The following NEBL variants were observed in gnomAD, a reference collection of about 807,000 sequenced individuals.
NEBL encodes the protein LIM and SH3 protein 2.
A neutral mutation model predicts 140.2 loss-of-function variants in NEBL; 122 were observed. The observed-to-expected ratio is 0.87, with a 90% CI of 0.75 to 1.01. The LOEUF (loss-of-function observed/expected upper bound fraction) is 1.01. Ranked by LOEUF, NEBL falls within the 50% of genes least tolerant of loss-of-function variation. The pLI is 0.00. For missense variants in NEBL, 1,365 were observed against 1,231.3 expected, an observed-to-expected ratio of 1.11 and a Z score of -1.62; for synonymous variants, 436 against 398.9, an observed-to-expected ratio of 1.09 and a Z score of -1.11.
At chr10:21,193,061 G>A (rs1319195544) in intron 3 of NEBL, among the ~76,000 whole-genome samples, 1 of 152,156 alleles carries the variant, frequency 6.6e-6, no homozygotes, top group African/African-American at 2.4e-5. Context: ...GGAGGGAACA[G>A]AGCACTGCAG....
At chr10:21,108,350 T>G (rs1280616310) in intron 2 of NEBL, among the ~76,000 whole-genome samples, 1 of 152,260 alleles carries the variant, frequency 6.6e-6, no homozygotes, top group African/African-American at 2.4e-5. Context: ...CCAGAGATTC[T>G]GGTACGTTGT....
chr10:20,960,310 A>G (rs1327845544), intron 4 of NEBL, among the ~76,000 whole-genome samples: 1 of 152,158 alleles, frequency 6.6e-6, no homozygotes, highest in East Asian at 1.9e-4. Context: ...GCATTCTTAA[A>G]AGCAAAAATA....
upstream of NEBL, among the ~76,000 whole-genome samples, chr10:21,177,971 G>T (rs1209407871): frequency 6.6e-6 from 1 of 152,160 alleles, no homozygotes; most frequent in Non-Finnish European, 1.5e-5. Context: ...GTATAAAATT[G>T]TGTATGTTGT....
At chr10:20,924,689 A>G (rs1589021038) in intron 4 of NEBL, among the ~76,000 whole-genome samples, 1 of 152,098 alleles carries the variant, frequency 6.6e-6, no homozygotes, top group East Asian at 1.9e-4. Flanking sequence ...GAAGGTGAGG[A>G]AAGTGATAGA....
At position 21,288,942 on chromosome 10, in the gene NEBL, G is replaced by A. The variant is rs186462589; in HGVS notation, n.182+3888C>T. The stretch of plus-strand genomic sequence containing the variant: ...CAGCTCACTACAACCTCTGCCTCCC[G>A]GGTTCAAGCAATTCTCTGCCTCAGC... On this transcript the variant is annotated intron_variant and non_coding_transcript_variant, in intron 1 of 8. Transcript: ENST00000675702. Among the ~76,000 whole-genome samples, 989 of 143,812 alleles carry A rather than the reference G, an allele frequency of 6.9e-3. 11 individuals are homozygous for A. The highest frequency in any genetic ancestry group is 0.024 in the African/African-American group (920 of 39,130). The allele number at this position is 143,812 out of a possible 152,430, so 94.3% of individuals were successfully genotyped here. A position where few individuals can be genotyped will look rare whatever the true frequency, so the allele number is the denominator to read the frequency against.
intron 26 of NEBL, among the ~76,000 whole-genome samples, chr10:20,790,710 C>G (rs557687825): frequency 6.6e-6 from 1 of 151,976 alleles, no homozygotes; most frequent in African/African-American, 2.4e-5. Context: ...GAGGCATAAA[C>G]ACTGCTTTTC....
intron 2 of NEBL, among the ~76,000 whole-genome samples, chr10:21,024,893 T>C (rs1838960559): frequency 6.6e-6 from 1 of 152,154 alleles, no homozygotes; most frequent in Admixed American, 6.5e-5. Context: ...CATACGATTA[T>C]AGAAGAGAGA....
chr10:21,034,273 C>A (rs1833927665), intron 2 of NEBL, among the ~76,000 whole-genome samples: 1 of 151,126 alleles, frequency 6.6e-6, no homozygotes, highest in Non-Finnish European at 1.5e-5. Context: ...ATGTATGGCC[C>A]AAAATAATAA....
At chr10:21,214,789 C>G (rs1052282033) in intron 3 of NEBL, among the ~76,000 whole-genome samples, 3 of 152,154 alleles carry the variant, frequency 2.0e-5, no homozygotes, top group African/African-American at 7.2e-5. Flanking sequence ...TTAATTGAAG[C>G]TCCCAGAATT....
chr10:21,064,704 A>G (rs1174051683), intron 2 of NEBL, among the ~76,000 whole-genome samples: 12 of 152,216 alleles, frequency 7.9e-5, no homozygotes, highest in African/African-American at 2.9e-4. Flanking sequence ...CCATATCAAA[A>G]TGAAACAATT....
intron 9 of NEBL, among the ~76,000 whole-genome samples, chr10:20,856,330 G>GA (rs892014334): frequency 2.8e-4 from 43 of 152,220 alleles, no homozygotes; most frequent in African/African-American, 1.0e-3. Context: ...CAACGTTCTT[G>GA]AAAAGCAATA....
At chr10:21,106,560 C>T (rs377003645) in intron 2 of NEBL, among the ~76,000 whole-genome samples, 1 of 152,108 alleles carries the variant, frequency 6.6e-6, no homozygotes, top group Non-Finnish European at 1.5e-5. Context: ...TGTTTTGGTA[C>T]CAGTACCAGC....
chr10:20,792,540 G>A (rs1301733543), intron 26 of NEBL, among the ~76,000 whole-genome samples: 2 of 152,036 alleles, frequency 1.3e-5, no homozygotes, highest in Admixed American at 6.6e-5. Flanking sequence ...GGTGGCTCAC[G>A]CCTGTAATCC....
chr10:20,883,672 C>T (rs1427553963), intron 4 of NEBL, among the ~76,000 whole-genome samples: 1 of 152,102 alleles, frequency 6.6e-6, no homozygotes, highest in Non-Finnish European at 1.5e-5. Context: ...TTATTTTGTA[C>T]TTTAGACCTA....
In NEBL at chr10:20,817,692, C is replaced by T. The variant is rs1169904603; in HGVS notation, c.2056G>A (p.Val686Ile). 2 of 1,608,112 alleles carry T rather than the reference C, an allele frequency of 1.2e-6. No individual in the cohort carries two copies. Among genetic ancestry groups the T allele is most frequent in the African/African-American group, 2.7e-5 (2 of 74,748 alleles). Reference protein sequence around the residue: ...VRRNQEQLSAVKYKGELQRGT... With the variant: ...VRRNQEQLSAIKYKGELQRGT... The stretch of plus-strand genomic sequence containing the variant: ...CGTTGAAGTTCTCCCTTATATTTTA[C>T]CTAAGAAGGATAAATAAGAACTTTA... Residue 686 changes from valine (V) to isoleucine (I), a missense_variant and splice_region_variant, in exon 21 of 28, where the codon GTA becomes ATA. Physicochemically the swap from Val to Ile is conservative, Grantham distance 29 (BLOSUM62 3). Around this residue, in one of 2 missense-constraint regions of NEBL, gnomAD observed 1,323 missense variants for 1,154.8 expected, o/e 1.15. Transcript: ENST00000377122.
At chr10:20,817,732 G>A in intron 20 of NEBL, 40 bp from the exon 21 acceptor site, 5 of 1,448,814 alleles carry the variant, frequency 3.5e-6, no homozygotes, top group Non-Finnish European at 4.9e-6. Flanking sequence ...ATAGCACAAT[G>A]GGCTCCACTG....
At chr10:20,930,537 T>C (rs572355002) in intron 4 of NEBL, among the ~76,000 whole-genome samples, 2 of 152,312 alleles carry the variant, frequency 1.3e-5, no homozygotes, top group East Asian at 3.9e-4. Context: ...ACAGTGACAG[T>C]AAAATCCTAG....
At chr10:21,029,722 C>G (rs1833698422) in intron 2 of NEBL, 1 of 870,982 alleles carries the variant, frequency 1.1e-6, no homozygotes. Context: ...GTATGAGTAT[C>G]GGGATGGCCC....
chr10:20,823,462 G>A (rs1564356885), intron 18 of NEBL, among the ~76,000 whole-genome samples, 162 bp from the exon 19 acceptor site: 1 of 151,978 alleles, frequency 6.6e-6, no homozygotes, highest in Admixed American at 6.6e-5. Flanking sequence ...GATGCTTTCA[G>A]GATTCCTTAT....
Sources: gnomAD v4.1 joint callset for allele counts (sites outside exome capture counted in the v4.1 genomes callset) on GRCh38, gnomAD v4.1.1 for gene constraint, gnomAD v4.1.1 regional missense constraint, MANE v1.5 for transcripts, NCBI Gene and HGNC (gene_info 2026-07-23, HGNC 2026-07-21) for gene names.